The following ATP8B4 variants were observed in gnomAD, a reference collection of about 807,000 sequenced individuals.
ATP8B4 encodes ATPase phospholipid transporting 8B4 (putative).
In ATP8B4, 133 loss-of-function variants were observed where a neutral mutation model predicts 145.6. That is an observed-to-expected ratio of 0.91 (90% CI 0.79 to 1.05). The LOEUF (loss-of-function observed/expected upper bound fraction) is 1.05. Ranked by LOEUF, ATP8B4 falls within the 50% of genes least tolerant of loss-of-function variation. The probability of loss-of-function intolerance (pLI) is 0.00; values close to 1 mark genes in which losing one functional copy is unlikely to be tolerated. For synonymous variants in ATP8B4, 507 were observed against 492.9 expected, an observed-to-expected ratio of 1.03 and a Z score of -0.38; for missense variants, 1,458 against 1,425.2, an observed-to-expected ratio of 1.02 and a Z score of -0.37.
In ATP8B4 at chr15:50,090,696, A is replaced by G. The variant is rs903174482; in HGVS notation, c.28+16243T>C. Among the ~76,000 whole-genome samples the G allele has an allele frequency of 4.6e-5, 7 of 152,340 alleles. No homozygotes were observed. The South Asian group carries it at 1.4e-3, about 32-fold the overall frequency. ...GACTAGTCAATATTTTTTATTTTTC[A>G]TAAGACAATCAGCACTACTACAGTG... On this transcript the variant is annotated intron_variant, in intron 2 of 27. Coordinates refer to ENST00000284509, the MANE Select transcript of ATP8B4 (RefSeq NM_024837.4).
intron 19 of ATP8B4, 63 bp downstream of exon 19, chr15:49,918,776 A>G: frequency 8.2e-7 from 1 of 1,221,430 alleles, no homozygotes; most frequent in South Asian, 1.3e-5. Flanking sequence ...GGTTAATTAA[A>G]ATTTTGTGAT....
chr15:50,042,231 T>C (rs1489751332), intron 5 of ATP8B4, among the ~76,000 whole-genome samples: 2 of 152,130 alleles, frequency 1.3e-5, no homozygotes, highest in Admixed American at 1.3e-4. Context: ...AGAAATTTCA[T>C]TAAGAAATGA....
At chr15:49,906,920 G>A (rs2038688326) in intron 20 of ATP8B4, among the ~76,000 whole-genome samples, 1 of 152,194 alleles carries the variant, frequency 6.6e-6, no homozygotes, top group Non-Finnish European at 1.5e-5. Flanking sequence ...GGAACCATGT[G>A]GCTAATGGAA....
intron 1 of ATP8B4, among the ~76,000 whole-genome samples, chr15:50,108,329 A>G (rs2056782893): frequency 6.6e-6 from 1 of 152,004 alleles, no homozygotes; most frequent in Non-Finnish European, 1.5e-5. Context: ...CAGTCTCCAC[A>G]TCAAAGCCAG....
chr15:50,061,766 G>C (rs1567287050), intron 3 of ATP8B4, among the ~76,000 whole-genome samples: 1 of 152,084 alleles, frequency 6.6e-6, no homozygotes, highest in Non-Finnish European at 1.5e-5. Context: ...AAGTTGGGAA[G>C]TTTTCAAGCC....
At chr15:50,131,776 G>A (rs905563987) in intron 1 of ATP8B4, among the ~76,000 whole-genome samples, 4 of 147,510 alleles carry the variant, frequency 2.7e-5, no homozygotes, top group African/African-American at 9.9e-5. Flanking sequence ...AATATTAACT[G>A]AAATATAAAT....
Position 49,876,495 on chromosome 15 carries a change from C to A in ATP8B4, c.2810G>T (p.Cys937Phe). The change falls in exon 25 of 28, where the codon TGT becomes TTT. Residue 937 changes from cysteine to phenylalanine, a missense_variant. Coordinates refer to ENST00000284509, the MANE Select transcript of ATP8B4 (RefSeq NM_024837.4). ...CTGTCCTGGTTTGTAGAGCTGGGGA[C>A]AGTCCACGCTGTTCTGGTCACTCAC... ...QDVSDQNSVDCPQLYKPGQLN... is the reference protein window; with the variant it reads ...QDVSDQNSVDFPQLYKPGQLN... 1 of 1,614,046 alleles carries A rather than the reference C, an allele frequency of 6.2e-7. No homozygotes were observed. The highest frequency in any genetic ancestry group is 8.5e-7 in the Non-Finnish European group (1 of 1,179,910).
intron 20 of ATP8B4, among the ~76,000 whole-genome samples, chr15:49,916,476 C>T (rs2039751445): frequency 6.6e-6 from 1 of 152,162 alleles, no homozygotes. Context: ...GTTTCCCAAA[C>T]TTATCTGATC....
intron 21 of ATP8B4, among the ~76,000 whole-genome samples, chr15:49,898,811 G>C (rs1368711441): frequency 6.6e-6 from 1 of 152,098 alleles, no homozygotes; most frequent in Non-Finnish European, 1.5e-5. Flanking sequence ...GCAAAAGGGG[G>C]GCACGCAAGC....
intron 5 of ATP8B4, among the ~76,000 whole-genome samples, chr15:50,041,390 A>T (rs957276112): frequency 6.6e-6 from 1 of 152,178 alleles, no homozygotes; most frequent in East Asian, 1.9e-4. Context: ...AAATATATGA[A>T]AGCCACTCTT....
intron 1 of ATP8B4, among the ~76,000 whole-genome samples, chr15:50,157,869 C>T (rs2044445013): frequency 6.6e-6 from 1 of 152,328 alleles, no homozygotes; most frequent in African/African-American, 2.4e-5. Flanking sequence ...ATTCTCCTGC[C>T]TCAGCCTGCC....
chr15:50,114,103 C>CTTTCTTTTTTTTTTTTTTTTTT (rs1555494034), intron 1 of ATP8B4, among the ~76,000 whole-genome samples: 3 of 55,646 alleles, frequency 5.4e-5, no homozygotes, highest in Non-Finnish European at 9.4e-5. Context: ...CTCCTAGTTT[C>CTTTCTTTTTTTTTTTTTTTTTT]TTTTTTTTTT....
chr15:49,889,819 C>T (rs1011374977), intron 23 of ATP8B4, among the ~76,000 whole-genome samples: 1 of 152,186 alleles, frequency 6.6e-6, no homozygotes, highest in African/African-American at 2.4e-5. Context: ...AGAAAGTCAA[C>T]ATTGTGTCTT....
In ATP8B4 at chr15:49,931,208, A is replaced by G. The variant is rs1323853314; in HGVS notation, c.1553T>C (p.Ile518Thr). 3 of 1,612,736 alleles carry G rather than the reference A, an allele frequency of 1.9e-6. No individual in the cohort carries two copies. Among genetic ancestry groups the G allele is most frequent in the Non-Finnish European group, 2.5e-6 (3 of 1,179,212 alleles). The change falls in exon 16 of 28, where the codon ATA (isoleucine) becomes ACA (threonine). Residue 518 changes from isoleucine (I) to threonine (T), a missense_variant. Ile to Thr is a moderately conservative substitution (Grantham distance 89). Coordinates refer to ENST00000284509, the MANE Select transcript of ATP8B4 (RefSeq NM_024837.4). Reference protein sequence around the residue: ...FIFKSRTPETITIEELGTLVT... With the variant: ...FIFKSRTPETTTIEELGTLVT... ...TAGTGTTCCCAATTCTTCTATTGTT[A>G]TGGTCTCTGGGGTCCGGGATTTAAA...
chr15:50,085,977 TCAA>T (rs1415432393), intron 2 of ATP8B4, among the ~76,000 whole-genome samples: 3 of 26,652 alleles, frequency 1.1e-4, no homozygotes, highest in African/African-American at 3.4e-4. Context: ...ATATGATATA[TCAA>T]ATATATCATA....
chr15:50,033,550 AT>A (rs1452803983), intron 6 of ATP8B4, among the ~76,000 whole-genome samples: 1 of 152,182 alleles, frequency 6.6e-6, no homozygotes, highest in East Asian at 1.9e-4. Context: ...TTACCATCTT[AT>A]TTTTTAATAA....
chr15:50,168,257 G>A (rs867122343), intron 1 of ATP8B4, among the ~76,000 whole-genome samples: 9 of 152,166 alleles, frequency 5.9e-5, no homozygotes, highest in East Asian at 5.8e-4. Context: ...GCTCCAGAGC[G>A]ACTGCAAGAA....
chr15:50,077,535 CAG>C (rs891486068), intron 2 of ATP8B4, among the ~76,000 whole-genome samples: 6 of 152,116 alleles, frequency 3.9e-5, no homozygotes, highest in African/African-American at 1.4e-4. Flanking sequence ...GCTCTAAATT[CAG>C]AGTCAGTAAA....
chr15:50,001,032 C>T (rs2047849079), intron 8 of ATP8B4, among the ~76,000 whole-genome samples: 1 of 151,946 alleles, frequency 6.6e-6, no homozygotes, highest in Non-Finnish European at 1.5e-5. Context: ...ATGGTTCATG[C>T]ATAATATGCT....
Sources: gnomAD v4.1 joint callset for allele counts (sites outside exome capture counted in the v4.1 genomes callset) on GRCh38, gnomAD v4.1.1 for gene constraint, MANE v1.5 for transcripts, NCBI Gene and HGNC (gene_info 2026-07-23, HGNC 2026-07-21) for gene names.